GALNT13: variants seen among roughly 807,000 people sequenced by gnomAD.
GALNT13 encodes UDP-GalNAc:polypeptide N-acetylgalactosaminyltransferase 13.
Under a neutral mutation model 64.2 loss-of-function variants are expected in GALNT13, and 28 were observed. The observed-to-expected ratio is 0.44, with a 90% confidence interval of 0.32 to 0.60. The LOEUF is 0.60. GALNT13 is among the 20% of genes least tolerant of loss of function. The probability of loss-of-function intolerance (pLI) is 0.05; values close to 1 mark genes in which losing one functional copy is unlikely to be tolerated. For synonymous variants in GALNT13, 214 were observed against 224.6 expected, an observed-to-expected ratio of 0.95 and a Z score of 0.42; for missense variants, 577 against 669.8, an observed-to-expected ratio of 0.86 and a Z score of 1.53.
At chr2:153,358,748 A>G in the GALNT13 span, among the ~76,000 whole-genome samples, 1 of 152,170 alleles carries the variant, frequency 6.6e-6, no homozygotes, top group Non-Finnish European at 1.5e-5. Flanking sequence ...CCAGTAATCC[A>G]TATTTACCTG....
chr2:153,540,915 C>G, the GALNT13 span, among the ~76,000 whole-genome samples: 1 of 152,198 alleles, frequency 6.6e-6, no homozygotes, highest in Admixed American at 6.5e-5. Context: ...TGCCTTGTCT[C>G]AGATGAGACT....
At chr2:154,096,503 T>C (rs10931904) in intron 3 of GALNT13, among the ~76,000 whole-genome samples, 83,816 of 151,912 alleles carry the variant, frequency 0.55, 24,342 homozygotes, top group East Asian at 0.85. Context: ...TTCTTGTATA[T>C]ACAAAGACTC....
chr2:153,683,825 C>T, the GALNT13 span, among the ~76,000 whole-genome samples: 2 of 151,668 alleles, frequency 1.3e-5, no homozygotes, highest in African/African-American at 2.4e-5. Flanking sequence ...TAGGATCTGT[C>T]TAGCTTCAAC....
the GALNT13 span, among the ~76,000 whole-genome samples, chr2:153,712,549 G>A: frequency 3.3e-5 from 5 of 152,108 alleles, no homozygotes; most frequent in Admixed American, 3.3e-4. Context: ...TGAATAGGTA[G>A]GACATTATGG....
At chr2:153,252,413 T>C in the GALNT13 span, among the ~76,000 whole-genome samples, 4 of 133,934 alleles carry the variant, frequency 3.0e-5, no homozygotes, top group Non-Finnish European at 4.8e-5. Flanking sequence ...TTCTCCCATT[T>C]TGTAGGTTGC....
Position 154,344,284 on chromosome 2 carries a change from G to T in GALNT13, c.1156+42695G>T, listed in dbSNP as rs543481404. Reference sequence around the variant, plus strand: ...AGAAGGAGATCTTGCCTGTTGACTCGCCTGACAAAGACTTCCAGCAAACCA... The same window carrying T: ...AGAAGGAGATCTTGCCTGTTGACTCTCCTGACAAAGACTTCCAGCAAACCA... On this transcript the variant is annotated intron_variant, in intron 9 of 12. Transcript: ENST00000392825. Among the ~76,000 whole-genome samples the T allele has an allele frequency of 8.5e-4, 94 of 110,906 alleles. 1 individual carries two copies. The South Asian group carries it at 0.027, about 32-fold the overall frequency. The allele number at this position is 110,906 out of a possible 152,430, so 72.8% of individuals were successfully genotyped here. A position where few individuals can be genotyped will look rare whatever the true frequency, so the allele number is the denominator to read the frequency against.
intron 3 of GALNT13, among the ~76,000 whole-genome samples, chr2:154,100,263 A>T (rs1316762721): frequency 2.0e-5 from 3 of 152,054 alleles, no homozygotes; most frequent in East Asian, 3.9e-4. Flanking sequence ...TGGTAATTGG[A>T]TATGAATTTA....
the GALNT13 span, among the ~76,000 whole-genome samples, chr2:153,418,337 T>C: frequency 1.3e-5 from 2 of 152,188 alleles, no homozygotes; most frequent in Non-Finnish European, 2.9e-5. Flanking sequence ...TGAAACTCCT[T>C]TTGCAGTTTT....
intron 9 of GALNT13, among the ~76,000 whole-genome samples, chr2:154,325,569 G>A (rs1559091707): frequency 6.6e-6 from 1 of 151,854 alleles, no homozygotes; most frequent in Non-Finnish European, 1.5e-5. Context: ...CTAATTATAG[G>A]TATTTAGATT....
intron 4 of GALNT13, among the ~76,000 whole-genome samples, chr2:154,169,201 A>G (rs996348132): frequency 3.3e-5 from 5 of 152,128 alleles, no homozygotes; most frequent in Non-Finnish European, 7.4e-5. Flanking sequence ...CCAACCTTGG[A>G]AATCAAATCT....
At chr2:153,098,064 T>C in the GALNT13 span, among the ~76,000 whole-genome samples, 37,160 of 152,110 alleles carry the variant, frequency 0.24, 4,809 homozygotes, top group Admixed American at 0.29. Flanking sequence ...AGACTCCGTC[T>C]CAAATCAAAA....
the GALNT13 span, among the ~76,000 whole-genome samples, chr2:153,586,746 G>T: frequency 9.2e-4 from 139 of 151,526 alleles, no homozygotes; most frequent in Non-Finnish European, 1.5e-3. Context: ...TCTCATCAGT[G>T]CATGAAATAT....
intron 3 of GALNT13, among the ~76,000 whole-genome samples, chr2:153,950,617 A>G (rs777623522): frequency 1.3e-5 from 2 of 152,126 alleles, no homozygotes; most frequent in Non-Finnish European, 2.9e-5. Context: ...CCATAGCACT[A>G]TAATTCATAA....
chr2:153,402,066 C>A, the GALNT13 span, among the ~76,000 whole-genome samples: 9,195 of 144,824 alleles, frequency 0.063, 380 homozygotes, highest in South Asian at 0.11. Context: ...CGGCTGGTAC[C>A]GGTTGTTCCT....
chr2:154,056,423 G>T (rs993601855), intron 3 of GALNT13, among the ~76,000 whole-genome samples: 22 of 152,090 alleles, frequency 1.4e-4, no homozygotes, highest in African/African-American at 5.3e-4. Context: ...CTAGGATGTA[G>T]TTAATACATT....
intron 4 of GALNT13, among the ~76,000 whole-genome samples, chr2:154,210,144 T>C (rs1221406243): frequency 1.3e-5 from 2 of 152,252 alleles, no homozygotes; most frequent in Non-Finnish European, 2.9e-5. Flanking sequence ...TCCAGATTCA[T>C]GTTGTCACAA....
the GALNT13 span, among the ~76,000 whole-genome samples, chr2:153,438,109 T>C: frequency 6.6e-6 from 1 of 152,214 alleles, no homozygotes; most frequent in African/African-American, 2.4e-5. Flanking sequence ...GGATATGAAA[T>C]TCTGGGTTGA....
At chr2:154,155,969 T>G (rs1684393338) in intron 4 of GALNT13, among the ~76,000 whole-genome samples, 1 of 151,980 alleles carries the variant, frequency 6.6e-6, no homozygotes, top group South Asian at 2.1e-4. Flanking sequence ...GCATAATACA[T>G]ATATATTCGA....
At chr2:153,979,655 T>C (rs1694322819) in intron 3 of GALNT13, among the ~76,000 whole-genome samples, 1 of 152,198 alleles carries the variant, frequency 6.6e-6, no homozygotes, top group Non-Finnish European at 1.5e-5. Flanking sequence ...TATTCTCTAG[T>C]AGAATCTTTG....
Sources: allele counts gnomAD v4.1 joint callset (sites outside exome capture counted in the v4.1 genomes callset), GRCh38; gene constraint gnomAD v4.1.1; transcripts MANE v1.5; gene names NCBI Gene and HGNC (gene_info 2026-07-23, HGNC 2026-07-21).